ELP3: variants seen among roughly 807,000 people sequenced by gnomAD.
ELP3 encodes elongator acetyltransferase complex subunit 3.
Under a neutral mutation model 74.9 loss-of-function variants are expected in ELP3, and 56 were observed. That is an observed-to-expected ratio of 0.75 (90% CI 0.60 to 0.93). The LOEUF is 0.93. Among genes scored for constraint, ELP3 ranks in the 40% least tolerant of loss-of-function variants. The pLI, the probability that ELP3 is intolerant of heterozygous loss-of-function variation, is 0.00. For missense variants in ELP3, 573 were observed against 686.5 expected (o/e 0.83, Z 1.85); for synonymous variants, 222 against 239.8 (o/e 0.93, Z 0.68).
intron 1 of ELP3, chr8:28,093,441 C>G (rs1205717082): frequency 3.2e-5 from 20 of 629,706 alleles, no homozygotes; most frequent in Non-Finnish European, 5.5e-5. Context: ...TCCTCTCTTC[C>G]TCTTTGGCAG....
intron 7 of ELP3, among the ~76,000 whole-genome samples, chr8:28,116,732 G>A (rs1812153478): frequency 6.6e-6 from 1 of 151,990 alleles, no homozygotes; most frequent in African/African-American, 2.4e-5. Context: ...GAGTGAGACT[G>A]TGTCTCAAAA....
chr8:28,090,613 G>A (rs923700356), upstream of ELP3, among the ~76,000 whole-genome samples: 4 of 151,818 alleles, frequency 2.6e-5, no homozygotes, highest in African/African-American at 9.7e-5. Flanking sequence ...ACCCTTAAAG[G>A]TATTGTGTAT....
intron 10 of ELP3, among the ~76,000 whole-genome samples, chr8:28,141,513 A>T (rs1045298074): frequency 1.3e-5 from 2 of 152,172 alleles, no homozygotes; most frequent in African/African-American, 4.8e-5. Flanking sequence ...GTGAAACTCA[A>T]ATGGGGTCTA....
At chr8:28,167,585 A>G (rs1376721432) in intron 14 of ELP3, among the ~76,000 whole-genome samples, 2 of 152,218 alleles carry the variant, frequency 1.3e-5, no homozygotes, top group Non-Finnish European at 2.9e-5. Context: ...GCATTTCTTC[A>G]TTGTAGCATA....
intron 7 of ELP3, among the ~76,000 whole-genome samples, chr8:28,125,759 C>CTTTTTTTTTTTTTTTTTTTTTTTTTTT (rs755484214): frequency 1.1e-5 from 1 of 92,180 alleles, no homozygotes; most frequent in Non-Finnish European, 2.0e-5. Context: ...AGTCATTTCT[C>CTTTTTTTTTTTTTTTTTTTTTTTTTTT]TTTTTTTTTT....
At chr8:28,163,563 A>T (rs1407163464) in intron 14 of ELP3, among the ~76,000 whole-genome samples, 67 of 119,024 alleles carry the variant, frequency 5.6e-4, no homozygotes, top group Admixed American at 7.4e-4. Context: ...TTATTTATTT[A>T]TTTTTTTTTC....
chr8:28,133,096 C>T (rs1812842893), intron 9 of ELP3, among the ~76,000 whole-genome samples: 2 of 152,012 alleles, frequency 1.3e-5, no homozygotes, highest in Admixed American at 1.3e-4. Context: ...TCTATATATG[C>T]TTATAGATGC....
chr8:28,163,323 G>A (rs778767014), intron 14 of ELP3, among the ~76,000 whole-genome samples: 2 of 151,982 alleles, frequency 1.3e-5, no homozygotes, highest in Admixed American at 6.6e-5. Context: ...GCTAAAATAC[G>A]CCTTCTGAGA....
At chr8:28,103,236 C>G (rs1213427782) in intron 3 of ELP3, among the ~76,000 whole-genome samples, 3 of 152,150 alleles carry the variant, frequency 2.0e-5, no homozygotes, top group Non-Finnish European at 4.4e-5. Context: ...TCTGCATGTT[C>G]TAGACGTAAC....
intron 6 of ELP3, among the ~76,000 whole-genome samples, chr8:28,111,940 A>G (rs1279663738): frequency 2.6e-5 from 4 of 152,214 alleles, no homozygotes; most frequent in Non-Finnish European, 4.4e-5. Flanking sequence ...CCATAGATAC[A>G]GAAATAGAGT....
At chr8:28,183,363 G>T (rs901260171) in intron 14 of ELP3, 7 of 392,104 alleles carry the variant, frequency 1.8e-5, no homozygotes, top group Middle Eastern at 3.6e-4. Context: ...ATGTAGGAAA[G>T]CTCAGGGTGT....
chr8:28,140,800 G>A (rs774349966), intron 10 of ELP3, among the ~76,000 whole-genome samples: 13 of 152,150 alleles, frequency 8.5e-5, no homozygotes, highest in Non-Finnish European at 1.3e-4. Flanking sequence ...AGGCTGTGAC[G>A]TGCCTTCTGG....
At chr8:28,106,007 G>C (rs1158388580) in intron 3 of ELP3, among the ~76,000 whole-genome samples, 1 of 152,180 alleles carries the variant, frequency 6.6e-6, no homozygotes, top group African/African-American at 2.4e-5. Flanking sequence ...AGTCACAAAG[G>C]TTAGGTTTAT....
At chr8:28,175,755 CTTCTCT>C (rs1814722743) in intron 14 of ELP3, among the ~76,000 whole-genome samples, 1 of 145,376 alleles carries the variant, frequency 6.9e-6, no homozygotes, top group Non-Finnish European at 1.5e-5. Flanking sequence ...GGAAATCATT[CTTCTCT>C]TTCTGAGGAG....
chr8:28,153,486 G>A (rs968609143), intron 10 of ELP3, among the ~76,000 whole-genome samples: 10 of 152,176 alleles, frequency 6.6e-5, no homozygotes, highest in Non-Finnish European at 1.0e-4. Flanking sequence ...ATGAAGTTGT[G>A]CATATGAATT....
intron 10 of ELP3, among the ~76,000 whole-genome samples, chr8:28,139,591 C>T (rs1335516272): frequency 6.6e-6 from 1 of 152,080 alleles, no homozygotes; most frequent in African/African-American, 2.4e-5. Flanking sequence ...CTTGTCATTA[C>T]TCCCTAAACA....
rs994577460 is a variant in ELP3 at position 28,163,915 on chromosome 8, G to A, written c.1567+1837G>A. Among the ~76,000 whole-genome samples, 7 of 152,168 alleles carry A rather than the reference G, an allele frequency of 4.6e-5. No individual in the cohort carries two copies. The South Asian group carries it at 1.5e-3, about 32-fold the overall frequency. On this transcript the variant is annotated intron_variant, in intron 14 of 14. Coordinates refer to ENST00000256398, the MANE Select transcript of ELP3 (RefSeq NM_018091.6). ...CTGTGCTCCCAGGTGATACCATGCTGTCTTCAGACCACACTTTGTACACAA... is the reference window on the plus strand; with the variant it reads ...CTGTGCTCCCAGGTGATACCATGCTATCTTCAGACCACACTTTGTACACAA...
At chr8:28,188,235 A>C (rs373035572) in intron 14 of ELP3, among the ~76,000 whole-genome samples, 1 of 152,250 alleles carries the variant, frequency 6.6e-6, no homozygotes, top group African/African-American at 2.4e-5. Flanking sequence ...TTTAGTACCA[A>C]CTTCAACTAG....
chr8:28,179,332 T>G (rs559139986), intron 14 of ELP3, among the ~76,000 whole-genome samples: 1 of 152,372 alleles, frequency 6.6e-6, no homozygotes, highest in African/African-American at 2.4e-5. Flanking sequence ...GTTTTACTGT[T>G]GATGGATATT....
Sources: allele counts gnomAD v4.1 joint callset (sites outside exome capture counted in the v4.1 genomes callset), GRCh38; gene constraint gnomAD v4.1.1; transcripts MANE v1.5; gene names NCBI Gene and HGNC (gene_info 2026-07-23, HGNC 2026-07-21).